The following VWA5B1 variants were observed in gnomAD, a reference collection of about 807,000 sequenced individuals.
VWA5B1 encodes the protein von Willebrand factor A domain-containing protein 5B1.
Under a neutral mutation model 118.2 loss-of-function variants are expected in VWA5B1, and 115 were observed. That is an observed-to-expected ratio of 0.97 (90% confidence interval 0.84 to 1.14). VWA5B1 has a LOEUF of 1.14. VWA5B1 is among the 50% of genes most tolerant of loss of function. VWA5B1 has a pLI of 0.00. For synonymous variants in VWA5B1, 682 were observed against 658.4 expected (o/e 1.04, Z -0.55); for missense variants, 1,596 against 1,603.8 (o/e 1.00, Z 0.08).
intron 9 of VWA5B1, 117 bp downstream of exon 9, chr1:20,328,117 C>G (rs2089442376): frequency 2.1e-6 from 2 of 939,814 alleles, no homozygotes. Context: ...GCTGCCTACC[C>G]ACAGAGAACC....
rs1026513010 is a variant in VWA5B1 at position 20,354,592 on chromosome 1, G to C, written c.*329G>C. On this transcript the variant is annotated 3_prime_UTR_variant, in exon 22 of 22. Transcript: ENST00000289815. ...GGCAGTCCCGGGCTGACTGCTGCTG[G>C]GGCTGGCGAGGGAAGATGCAGTGGA... The C allele has an allele frequency of 1.5e-5, 5 of 330,444 alleles. No homozygotes were observed. The highest frequency in any genetic ancestry group is 2.8e-5 in the Non-Finnish European group (5 of 178,864). The allele number at this position is 330,444 out of a possible 1,614,324, so 20.5% of individuals were successfully genotyped here. A position where few individuals can be genotyped will look rare whatever the true frequency, so the allele number is the denominator to read the frequency against.
chr1:20,340,574 A>T (rs1191950814), intron 14 of VWA5B1, among the ~76,000 whole-genome samples: 2 of 152,220 alleles, frequency 1.3e-5, no homozygotes, highest in Non-Finnish European at 2.9e-5. Flanking sequence ...CTGTTGGCCT[A>T]AAAAACTGTT....
chr1:20,291,785 G>A (rs2088311192), intron 1 of VWA5B1, among the ~76,000 whole-genome samples: 1 of 152,202 alleles, frequency 6.6e-6, no homozygotes, highest in South Asian at 2.1e-4. Flanking sequence ...AAGAGGGGAA[G>A]GAGAAAAGGT....
Position 20,318,065 on chromosome 1 carries a change from G to C in VWA5B1, c.709+390G>C, listed in dbSNP as rs931923711. On this transcript the variant is annotated intron_variant, in intron 5 of 21. Transcript: ENST00000289815. ...CCACCCCCCAGAGATTCTGGGGTGA[G>C]TTCCAGGCATGGAAACATTTAAAAG... 4.0e-5 allele frequency among the ~76,000 whole-genome samples: 6 copies of C among 149,318 alleles called. No individual in the cohort carries two copies. In the South Asian group the frequency reaches 8.8e-4, roughly 22 times the overall value.
chr1:20,311,582 T>G (rs2088850093), intron 2 of VWA5B1, among the ~76,000 whole-genome samples: 1 of 152,240 alleles, frequency 6.6e-6, no homozygotes, highest in Non-Finnish European at 1.5e-5. Context: ...CACACTGGCC[T>G]GCCAGAGTCA....
chr1:20,352,668 A>G (rs1390381492), intron 21 of VWA5B1, among the ~76,000 whole-genome samples: 1 of 152,194 alleles, frequency 6.6e-6, no homozygotes, highest in East Asian at 1.9e-4. Flanking sequence ...TTAAGGAGCA[A>G]GGGAGACTGG....
At chr1:20,291,165 A>ACTGTGTGT (rs1553192684) in intron 1 of VWA5B1, 77 bp downstream of exon 1, 302 of 134,954 alleles carry the variant, frequency 2.2e-3, no homozygotes, top group Non-Finnish European at 3.1e-3. Context: ...GGCATGCATG[A>ACTGTGTGT]GTGTGTGTGT....
At chr1:20,293,952 G>A (rs1030853578) in intron 1 of VWA5B1, among the ~76,000 whole-genome samples, 4 of 152,180 alleles carry the variant, frequency 2.6e-5, no homozygotes, top group Non-Finnish European at 5.9e-5. Flanking sequence ...TGCAGGCAGC[G>A]CTGGGAGGGG....
intron 1 of VWA5B1, among the ~76,000 whole-genome samples, chr1:20,301,060 G>A (rs926030871): frequency 6.6e-6 from 1 of 152,212 alleles, no homozygotes; most frequent in African/African-American, 2.4e-5. Context: ...AGTCTCACAG[G>A]TTGGCCCAAA....
In VWA5B1 at chr1:20,353,944, C is replaced by A; in HGVS notation, c.3329C>A (p.Pro1110Gln). ...QLCTSSPPRH[P>Q]SCDSFSLEPL... ...TGCACCAGCTCCCCGCCTAGGCACC[C>A]GTCCTGTGACAGCTTCTCCCTGGAG... Residue 1110 changes from proline (P) to glutamine (Q), a missense_variant, in exon 22 of 22, where the codon CCG becomes CAG. Pro to Gln is a moderately conservative substitution (Grantham distance 76). Transcript: ENST00000289815. The A allele has an allele frequency of 6.4e-7, 1 of 1,551,264 alleles. No individual in the cohort carries two copies. Among genetic ancestry groups the A allele is most frequent in the Non-Finnish European group, 8.7e-7 (1 of 1,146,662 alleles).
At chr1:20,317,415 G>T (rs1228397568) in intron 4 of VWA5B1, 115 bp from the exon 5 acceptor site, 2 of 1,407,952 alleles carry the variant, frequency 1.4e-6, no homozygotes, top group Non-Finnish European at 9.4e-7. Flanking sequence ...CGGGTCTGGG[G>T]GCCCCCTTGG....
chr1:20,354,047 G>T lies in VWA5B1; in HGVS notation c.3432G>T (p.Val1144=), dbSNP rs2090183997. 6.4e-7 allele frequency: 1 copy of T among 1,551,686 alleles called. No individual in the cohort carries two copies. The highest frequency in any genetic ancestry group is 8.7e-7 in the Non-Finnish European group (1 of 1,147,010). ...EHTGKLWATV[V]GLAWLEHSSA... is the part of the protein sequence containing the mutation. ...CTGGGAAGCTGTGGGCCACGGTGGT[G>T]GGGCTGGCATGGCTGGAGCACAGTT... The change falls in exon 22 of 22, where the codon GTG becomes GTT. Residue 1144 remains valine, a synonymous_variant. Transcript: ENST00000289815.
At chr1:20,296,258 C>T (rs1266484241) in intron 1 of VWA5B1, among the ~76,000 whole-genome samples, 1 of 152,212 alleles carries the variant, frequency 6.6e-6, no homozygotes, top group East Asian at 1.9e-4. Flanking sequence ...TGTTCTTGCT[C>T]AGAACCAGCG....
rs778637538 is a variant in VWA5B1 at position 20,350,895 on chromosome 1, A to C, written c.2992A>C (p.Met998Leu). The change falls in exon 20 of 22, where the codon ATG becomes CTG. Residue 998 changes from methionine (M) to leucine (L), a missense_variant. Coordinates refer to ENST00000289815, the MANE Select transcript of VWA5B1 (RefSeq NM_001039500.3). ...CCTGGCTACAAATACTCTTTCTTCC[A>C]TGAAGGCCTCAGAGAATCTCTTTGG... is the stretch of plus-strand genomic sequence containing the variant. ...RSLATNTLSS[M>L]KASENLFGSW... The C allele has an allele frequency of 6.4e-7, 1 of 1,551,952 alleles. No individual in the cohort carries two copies. Among genetic ancestry groups the C allele is most frequent in the South Asian group, 1.2e-5 (1 of 84,056 alleles).
chr1:20,298,146 G>T (rs995000108), intron 1 of VWA5B1, among the ~76,000 whole-genome samples: 1 of 151,942 alleles, frequency 6.6e-6, no homozygotes, highest in African/African-American at 2.4e-5. Flanking sequence ...AAGAAGCTGG[G>T]ATTACAGGTG....
Position 20,353,916 on chromosome 1 carries a change from C to T in VWA5B1, c.3301C>T (p.Leu1101=). The change falls in exon 22 of 22, where the codon CTG becomes TTG. Residue 1101 remains leucine (L), a synonymous_variant. Coordinates refer to ENST00000289815, the MANE Select transcript of VWA5B1 (RefSeq NM_001039500.3). Reference sequence around the variant, plus strand: ...TGAGTCCAAGACCCCGAGTCCCCAGCTGTGCACCAGCTCCCCGCCTAGGCA... The same window carrying T: ...TGAGTCCAAGACCCCGAGTCCCCAGTTGTGCACCAGCTCCCCGCCTAGGCA... ...PSESKTPSPQ[L]CTSSPPRHPS... 1 of 1,549,204 alleles carries T rather than the reference C, an allele frequency of 6.5e-7. No homozygotes were observed. The highest frequency in any genetic ancestry group is 8.7e-7 in the Non-Finnish European group (1 of 1,145,484).
chr1:20,334,193 G>A (rs2089650599), intron 12 of VWA5B1, among the ~76,000 whole-genome samples: 1 of 152,188 alleles, frequency 6.6e-6, no homozygotes, highest in East Asian at 1.9e-4. Flanking sequence ...GTTATGAAAT[G>A]TTTTCAGAAC....
In VWA5B1 at chr1:20,310,588, G is replaced by A. The variant is rs1433278694; in HGVS notation, c.-14G>A. On this transcript the variant is annotated 5_prime_UTR_variant, in exon 2 of 22. Coordinates refer to ENST00000289815, the MANE Select transcript of VWA5B1 (RefSeq NM_001039500.3). ...CTGTGTCTCACAGGTTCTGAAGGCT[G>A]AGTAGCCAGCGGGATGCCCGGCTTG... is the stretch of plus-strand genomic sequence containing the variant. 2.6e-6 allele frequency: 4 copies of A among 1,524,068 alleles called. No individual in the cohort carries two copies. The highest frequency in any genetic ancestry group is 5.0e-5 in the East Asian group (2 of 40,022). 94.4% of individuals were successfully genotyped at this position (1,524,068 alleles called of 1,614,324 possible). A position where few individuals can be genotyped will look rare whatever the true frequency, so the allele number is the denominator to read the frequency against.
intron 15 of VWA5B1, among the ~76,000 whole-genome samples, 194 bp from the exon 16 acceptor site, chr1:20,342,885 G>A (rs967851397): frequency 2.0e-5 from 3 of 152,192 alleles, no homozygotes; most frequent in African/African-American, 7.2e-5. Context: ...AGGCGGATCT[G>A]TCCTCCCTTG....
Sources: allele counts gnomAD v4.1 joint callset (sites outside exome capture counted in the v4.1 genomes callset), GRCh38; gene constraint gnomAD v4.1.1; transcripts MANE v1.5; gene names NCBI Gene and HGNC (gene_info 2026-07-23, HGNC 2026-07-21).